The following DENND1A variants were observed in gnomAD, a reference collection of about 807,000 sequenced individuals.
DENND1A encodes the protein DENN domain containing 1A.
A neutral mutation model predicts 113.7 loss-of-function variants in DENND1A; 51 were observed. The ratio of observed to expected loss-of-function variants is 0.45; its 90% CI spans 0.36 to 0.57. DENND1A has a LOEUF of 0.57. Among genes scored for constraint, DENND1A ranks in the 20% least tolerant of loss-of-function variants. DENND1A has a pLI of 0.00. For missense variants in DENND1A, 1,258 were observed against 1,395.9 expected (o/e 0.90, Z 1.57); for synonymous variants, 565 against 570.8 (o/e 0.99, Z 0.14).
At chr9:123,873,944 T>C (rs1286366105) in intron 2 of DENND1A, among the ~76,000 whole-genome samples, 2 of 152,142 alleles carry the variant, frequency 1.3e-5, no homozygotes, top group Non-Finnish European at 2.9e-5. Context: ...GGTTTTACCA[T>C]GTTGACTAGG....
intron 5 of DENND1A, among the ~76,000 whole-genome samples, chr9:123,702,479 A>G (rs531050384): frequency 6.6e-5 from 10 of 152,200 alleles, no homozygotes; most frequent in Non-Finnish European, 7.3e-5. Flanking sequence ...ATCAGATTCA[A>G]TTCAAATAAG....
At chr9:123,594,786 C>T (rs2059611510) in intron 11 of DENND1A, among the ~76,000 whole-genome samples, 1 of 152,058 alleles carries the variant, frequency 6.6e-6, no homozygotes, top group Non-Finnish European at 1.5e-5. Flanking sequence ...ACAGCATGCA[C>T]AAAATGTGCC....
chr9:123,443,289 C>T (rs1221755256), intron 18 of DENND1A, among the ~76,000 whole-genome samples: 1 of 152,216 alleles, frequency 6.6e-6, no homozygotes, highest in African/African-American at 2.4e-5. Flanking sequence ...AAGCTCCTGG[C>T]TACACTGATC....
intron 9 of DENND1A, among the ~76,000 whole-genome samples, chr9:123,642,486 C>T (rs951809936): frequency 3.9e-5 from 6 of 152,248 alleles, no homozygotes; most frequent in African/African-American, 1.2e-4. Flanking sequence ...TTTCTTCTCA[C>T]TTCTTTGAAT....
At position 123,544,971 on chromosome 9, in the gene DENND1A, G is replaced by A. The variant is rs35143612; in HGVS notation, c.993+12599C>T. Among the ~76,000 whole-genome samples the A allele has an allele frequency of 6.2e-3, 936 of 152,058 alleles. 6 individuals carry two copies. The highest frequency in any genetic ancestry group is 0.014 in the Middle Eastern group (4 of 294). ...AAATTAGCCGGTCGTGGTGGCGGGC[G>A]CCTGTAGTCCTAGCTACTTGGGAGG... is the stretch of plus-strand genomic sequence containing the variant. On this transcript the variant is annotated intron_variant, in intron 13 of 23. Transcript: ENST00000394215.
At chr9:123,720,324 G>A (rs984672398) in intron 5 of DENND1A, among the ~76,000 whole-genome samples, 2 of 152,140 alleles carry the variant, frequency 1.3e-5, no homozygotes, top group African/African-American at 4.8e-5. Flanking sequence ...GGGCTCCGAG[G>A]GAAAATGCTC....
chr9:123,390,232 T>C (rs571822053), intron 21 of DENND1A, among the ~76,000 whole-genome samples: 1 of 152,342 alleles, frequency 6.6e-6, no homozygotes, highest in African/African-American at 2.4e-5. Flanking sequence ...GGGTACAGCA[T>C]GAATGCTGTG....
chr9:123,765,107 C>T (rs1303669667), intron 4 of DENND1A, among the ~76,000 whole-genome samples: 2 of 152,130 alleles, frequency 1.3e-5, no homozygotes, highest in Non-Finnish European at 2.9e-5. Flanking sequence ...TTCTTTCTCT[C>T]AGTTTCCTAC....
At chr9:123,507,469 CA>C (rs2053055339) in intron 13 of DENND1A, among the ~76,000 whole-genome samples, 1 of 152,150 alleles carries the variant, frequency 6.6e-6, no homozygotes, top group Non-Finnish European at 1.5e-5. Flanking sequence ...CAGTTATGTG[CA>C]AGGTTCTAGG....
chr9:123,475,309 G>A (rs1353909765), intron 13 of DENND1A, among the ~76,000 whole-genome samples: 2 of 152,252 alleles, frequency 1.3e-5, no homozygotes, highest in Non-Finnish European at 2.9e-5. Context: ...ATGAACCACC[G>A]CATCTGGCCT....
At chr9:123,898,585 C>A (rs1271277266) in intron 1 of DENND1A, among the ~76,000 whole-genome samples, 1 of 152,184 alleles carries the variant, frequency 6.6e-6, no homozygotes, top group African/African-American at 2.4e-5. Flanking sequence ...GCCTCAGCCT[C>A]CCAAAATTAC....
At position 123,918,349 on chromosome 9, in the gene DENND1A, G is replaced by A. The variant is rs192715962; in HGVS notation, c.17+11540C>T. 1.4e-4 allele frequency among the ~76,000 whole-genome samples: 21 copies of A among 151,926 alleles called. No individual in the cohort carries two copies. In the East Asian group the frequency reaches 3.7e-3, roughly 27 times the overall value. On this transcript the variant is annotated intron_variant, in intron 1 of 23. Coordinates refer to ENST00000394215, the MANE Select transcript of DENND1A (RefSeq NM_001352964.2). The stretch of plus-strand genomic sequence containing the variant: ...TTAAAATACAAAAAATTAGCCGGGC[G>A]TGGCGGCGGGCGCCTGTACTCCCAG...
intron 19 of DENND1A, among the ~76,000 whole-genome samples, chr9:123,420,518 G>C (rs539959706): frequency 6.6e-6 from 1 of 152,300 alleles, no homozygotes; most frequent in African/African-American, 2.4e-5. Flanking sequence ...GAGAGAGCGC[G>C]CTCAGGATTC....
chr9:123,413,817 A>G, intron 19 of DENND1A: 1 of 985,244 alleles, frequency 1.0e-6, no homozygotes, highest in Non-Finnish European at 1.2e-6. Flanking sequence ...GTGTGGGGGA[A>G]AGGGGAACAG....
chr9:123,863,128 C>T (rs896171298), intron 2 of DENND1A, among the ~76,000 whole-genome samples: 3 of 152,182 alleles, frequency 2.0e-5, no homozygotes, highest in African/African-American at 7.2e-5. Context: ...AGAACTTTGA[C>T]AACTACAGAA....
intron 2 of DENND1A, among the ~76,000 whole-genome samples, chr9:123,808,775 C>G (rs1836041349): frequency 6.6e-6 from 1 of 152,166 alleles, no homozygotes; most frequent in African/African-American, 2.4e-5. Context: ...GGTGAGACAT[C>G]TTCAACTCCA....
At chr9:123,842,272 G>A (rs1192731566) in intron 2 of DENND1A, among the ~76,000 whole-genome samples, 1 of 152,166 alleles carries the variant, frequency 6.6e-6, no homozygotes, top group Non-Finnish European at 1.5e-5. Context: ...CTCCAATGAG[G>A]CAAGAGAAAA....
intron 2 of DENND1A, among the ~76,000 whole-genome samples, chr9:123,851,318 T>A (rs1211590177): frequency 6.6e-6 from 1 of 152,218 alleles, no homozygotes; most frequent in Non-Finnish European, 1.5e-5. Flanking sequence ...TCACTCAAGA[T>A]AATTATGTTG....
At chr9:123,923,091 G>C (rs1347884669) in intron 1 of DENND1A, among the ~76,000 whole-genome samples, 1 of 152,160 alleles carries the variant, frequency 6.6e-6, no homozygotes, top group Non-Finnish European at 1.5e-5. Context: ...CAGGAAAAAG[G>C]CTGGACCTTT....
Sources: allele counts gnomAD v4.1 joint callset (sites outside exome capture counted in the v4.1 genomes callset), GRCh38; gene constraint gnomAD v4.1.1; transcripts MANE v1.5; gene names NCBI Gene and HGNC (gene_info 2026-07-23, HGNC 2026-07-21).